The following MYO9B variants were observed in gnomAD, a reference collection of about 807,000 sequenced individuals.
MYO9B encodes unconventional myosin-IXb.
MYO9B carries 71 observed loss-of-function variants against 229.5 expected under a neutral mutation model. The ratio of observed to expected loss-of-function variants is 0.31; its 90% confidence interval spans 0.26 to 0.38. The LOEUF (loss-of-function observed/expected upper bound fraction) is 0.38. MYO9B is among the 10% of genes least tolerant of loss of function. MYO9B has a pLI of 1.00. For synonymous variants in MYO9B, 1,185 were observed against 1,235.8 expected, an observed-to-expected ratio of 0.96 and a Z score of 0.86; for missense variants, 2,255 against 2,920.5, an observed-to-expected ratio of 0.77 and a Z score of 5.25.
chr19:17,167,698 C>G (rs2072675723), intron 10 of MYO9B, among the ~76,000 whole-genome samples: 2 of 151,974 alleles, frequency 1.3e-5, no homozygotes, highest in Non-Finnish European at 2.9e-5. Context: ...AGGCTGGTCT[C>G]AAACTCCTGA....
At position 17,212,303 on chromosome 19, in the gene MYO9B, A is replaced by G; in HGVS notation, c.6467A>G (p.Asn2156Ser). ...YCLPPASGQT[N>S]G is the part of the protein sequence containing the mutation. The stretch of plus-strand genomic sequence containing the variant: ...CTGCCCCCCGCCTCGGGCCAGACCA[A>G]TGGCTGAGAGCCACAGCTGACAAAG... Residue 2156 changes from asparagine (N) to serine (S), a missense_variant, in exon 40 of 40, where the codon AAT (asparagine) becomes AGT (serine). Asn to Ser is a conservative substitution (Grantham distance 46). This residue lies in a region of MYO9B where 331 missense variants were observed against 332.5 expected (regional missense o/e 1.00). Coordinates refer to ENST00000682292, the MANE Select transcript of MYO9B (RefSeq NM_004145.4). This position sits in a 1 kb window ranked among gnomAD's most constrained non-coding sequence, Gnocchi z 5.4. 1 of 1,499,450 alleles carries G rather than the reference A, an allele frequency of 6.7e-7. No homozygotes were observed. The highest frequency in any genetic ancestry group is 8.8e-7 in the Non-Finnish European group (1 of 1,133,120). 92.9% of individuals were successfully genotyped at this position (1,499,450 alleles called of 1,614,324 possible).
At chr19:17,088,629 A>G (rs1458364088) in intron 1 of MYO9B, among the ~76,000 whole-genome samples, 1 of 152,090 alleles carries the variant, frequency 6.6e-6, no homozygotes, top group African/African-American at 2.4e-5. Context: ...GTATGAGCCC[A>G]TTGACCTCTG....
chr19:17,180,738 C>T, intron 14 of MYO9B, 189 bp from the exon 15 acceptor site: 3 of 544,112 alleles, frequency 5.5e-6, no homozygotes, highest in South Asian at 4.9e-5. Context: ...CTTGGGGAGG[C>T]TGGCCCAGTC....
chr19:17,144,969 CAAAAAAA>C lies in MYO9B; in HGVS notation c.841-412_841-406del, dbSNP rs58527501. Among the ~76,000 whole-genome samples the C allele has an allele frequency of 2.9e-4, 24 of 83,598 alleles. No homozygotes were observed. The East Asian group carries it at 3.1e-3, about 11-fold the overall frequency. 54.8% of individuals were successfully genotyped at this position (83,598 alleles called of 152,430 possible). ...AAGGCAACAGAGCGAGACTTCATCTCAAAAAAAAAAAAAAAAAAAAAAGAAAAAGAAA... is the reference window on the plus strand; with the variant it reads ...AAGGCAACAGAGCGAGACTTCATCTCAAAAAAAAAAAAAAAGAAAAAGAAA... On this transcript the variant is annotated intron_variant, in intron 2 of 39. Coordinates refer to ENST00000682292, the MANE Select transcript of MYO9B (RefSeq NM_004145.4).
Position 17,162,435 on chromosome 19 carries a change from T to G in MYO9B, c.1505T>G (p.Leu502Arg), listed in dbSNP as rs1172957598. The G allele has an allele frequency of 6.3e-7, 1 of 1,579,956 alleles. No individual in the cohort carries two copies. The highest frequency in any genetic ancestry group is 8.6e-7 in the Non-Finnish European group (1 of 1,164,218). Residue 502 changes from leucine to arginine, a missense_variant, in exon 9 of 40, where the codon CTC becomes CGC. Physicochemically the swap from Leu to Arg is moderately radical, Grantham distance 102 (BLOSUM62 -2). Around this residue, in one of 7 missense-constraint regions of MYO9B, gnomAD observed 220 missense variants for 404.5 expected, o/e 0.54. Transcript: ENST00000682292. ...WIVLRINHALLNKKDVEEAVS... is the reference protein window; with the variant it reads ...WIVLRINHALRNKKDVEEAVS... The stretch of plus-strand genomic sequence containing the variant: ...GTGCTGCGGATCAACCACGCACTCC[T>G]CAACAAGAAGGACGTGGAAGAGGCA...
chr19:17,089,739 T>C (rs2057618834), intron 1 of MYO9B, among the ~76,000 whole-genome samples: 1 of 152,208 alleles, frequency 6.6e-6, no homozygotes, highest in African/African-American at 2.4e-5. Flanking sequence ...TACATAGCCA[T>C]TTCTTTTTGC....
At chr19:17,131,914 C>G (rs934491882) in intron 2 of MYO9B, among the ~76,000 whole-genome samples, 2 of 152,088 alleles carry the variant, frequency 1.3e-5, no homozygotes, top group African/African-American at 2.4e-5. Flanking sequence ...GGGTCTCACT[C>G]TGTCGTCTAG....
rs751803333 is a variant in MYO9B at position 17,192,787 on chromosome 19, G to C, written c.2853G>C (p.Thr951=). 9 of 1,558,900 alleles carry C rather than the reference G, an allele frequency of 5.8e-6. No homozygotes were observed. The highest frequency in any genetic ancestry group is 7.8e-6 in the Non-Finnish European group (9 of 1,152,282). ...KETERQALQE[T]LHREVVRKIL... is the part of the protein sequence containing the mutation. ...CGGAGCGGCAAGCCCTGCAGGAGAC[G>C]CTGCACCGGGAGGTGGTGCGGAAAA... is the stretch of plus-strand genomic sequence containing the variant. The change falls in exon 21 of 40, where the codon ACG becomes ACC. Residue 951 remains threonine, a synonymous_variant. Coordinates refer to ENST00000682292, the MANE Select transcript of MYO9B (RefSeq NM_004145.4).
At chr19:17,151,331 A>G (rs1047769121) in intron 3 of MYO9B, among the ~76,000 whole-genome samples, 6 of 151,976 alleles carry the variant, frequency 3.9e-5, no homozygotes, top group Non-Finnish European at 7.4e-5. Context: ...ACACCAGACC[A>G]TATGGATACA....
intron 17 of MYO9B, among the ~76,000 whole-genome samples, chr19:17,185,557 A>C (rs909572470): frequency 1.3e-5 from 2 of 150,206 alleles, no homozygotes; most frequent in African/African-American, 5.0e-5. Context: ...AAAAAAAAAA[A>C]AACAAAACAA....
chr19:17,183,695 C>G, intron 15 of MYO9B, 134 bp from the exon 16 acceptor site: 1 of 697,756 alleles, frequency 1.4e-6, no homozygotes, highest in Non-Finnish European at 2.4e-6. Flanking sequence ...GGCCTTGTTG[C>G]ACTTGCGCCT....
chr19:17,094,758 A>G (rs1284479783), intron 1 of MYO9B, among the ~76,000 whole-genome samples: 2 of 152,146 alleles, frequency 1.3e-5, no homozygotes, highest in South Asian at 2.1e-4. Context: ...CCTGGGCAAC[A>G]TGATGAAACC....
chr19:17,174,022 CTTTTTTTTT>C (rs11313520), intron 13 of MYO9B, among the ~76,000 whole-genome samples: 1 of 64,734 alleles, frequency 1.5e-5, no homozygotes, highest in African/African-American at 7.2e-5. Context: ...TGATGAGCTG[CTTTTTTTTT>C]TTTTTTTTTT....
At position 17,168,091 on chromosome 19, in the gene MYO9B, G is replaced by A. The variant is rs1214386931; in HGVS notation, c.1793+27G>A. The A allele has an allele frequency of 6.2e-6, 10 of 1,609,420 alleles. No homozygotes were observed. The African/African-American group carries it at 9.4e-5, about 15-fold the overall frequency. ...TGAGTGTCCACACCCCGTCCATCCC[G>A]GCACATCTACGCATGGGCACTGGGT... On this transcript the variant is annotated intron_variant, in intron 11 of 39. Coordinates refer to ENST00000682292, the MANE Select transcript of MYO9B (RefSeq NM_004145.4).
Position 17,194,945 on chromosome 19 carries a change from G to A in MYO9B, c.3518G>A (p.Ser1173Asn). The A allele has an allele frequency of 6.2e-7, 1 of 1,613,448 alleles. No individual in the cohort carries two copies. Among genetic ancestry groups the A allele is most frequent in the Non-Finnish European group, 8.5e-7 (1 of 1,179,896 alleles). Residue 1173 changes from serine to asparagine, a missense_variant, in exon 22 of 40, where the codon AGT (serine) becomes AAT (asparagine). Coordinates refer to ENST00000682292, the MANE Select transcript of MYO9B (RefSeq NM_004145.4). ...NKHIQSCKEE[S>N]ALREPSRRVT... ...CACATCCAGTCCTGCAAGGAGGAGA[G>A]TGCCCTCAGAGAACCTTCCAGAAGG...
chr19:17,162,303 G>T (rs377716932), intron 8 of MYO9B, 47 bp from the exon 9 acceptor site: 3 of 1,465,286 alleles, frequency 2.0e-6, no homozygotes, highest in African/African-American at 2.8e-5. Flanking sequence ...AGACTCCAGC[G>T]CAGGGCCTGC....
At chr19:17,123,403 C>T (rs568653578) in intron 2 of MYO9B, among the ~76,000 whole-genome samples, 1 of 149,924 alleles carries the variant, frequency 6.7e-6, no homozygotes, top group South Asian at 2.1e-4. Flanking sequence ...AACATAGCCA[C>T]TGCCTTTATA....
Position 17,172,529 on chromosome 19 carries a change from G to A in MYO9B, c.1935+52G>A, listed in dbSNP as rs527446256. On this transcript the variant is annotated intron_variant, in intron 12 of 39. Transcript: ENST00000682292. The surrounding 1 kb of genome is among the most constrained non-coding windows in gnomAD (Gnocchi z 8.2). ...GGAAGCCTGAGGGAAGCCACAGTCA[G>A]CCCAGAAGCCCATGTGGGAGGATCC... 193 of 1,599,598 alleles carry A rather than the reference G, an allele frequency of 1.2e-4. No individual in the cohort carries two copies. The highest frequency in any genetic ancestry group is 1.9e-4 in the Admixed American group (11 of 58,082).
intron 3 of MYO9B, among the ~76,000 whole-genome samples, chr19:17,152,382 C>A (rs1018992841): frequency 6.6e-6 from 1 of 152,198 alleles, no homozygotes; most frequent in South Asian, 2.1e-4. Flanking sequence ...CATGGCAAAA[C>A]CCCGCCTCTA....
Sources: allele counts gnomAD v4.1 joint callset (sites outside exome capture counted in the v4.1 genomes callset), GRCh38; gene constraint gnomAD v4.1.1; regional missense constraint gnomAD v4.1.1; non-coding constraint Gnocchi (gnomAD v3.1); transcripts MANE v1.5; gene names NCBI Gene and HGNC (gene_info 2026-07-23, HGNC 2026-07-21).